Variants in CRTC3 observed in about 807,000 individuals in gnomAD.
CRTC3 encodes the protein CREB regulated transcription coactivator 3, also known as CREB-regulated transcription coactivator 3.
Under a neutral mutation model 74.5 loss-of-function variants are expected in CRTC3, and 26 were observed. The observed-to-expected ratio is 0.35, with a 90% CI of 0.26 to 0.48. The LOEUF is 0.48. Among genes scored for constraint, CRTC3 ranks in the 20% least tolerant of loss-of-function variants. The pLI is 0.99. For synonymous variants in CRTC3, 377 were observed against 325.8 expected (o/e 1.16, Z -1.69); for missense variants, 760 against 787.3 (o/e 0.97, Z 0.41).
chr15:90,636,530 T>C (rs1036951559), intron 11 of CRTC3, among the ~76,000 whole-genome samples: 2 of 151,782 alleles, frequency 1.3e-5, no homozygotes, highest in South Asian at 2.1e-4. Context: ...CCAAAAGCAA[T>C]GGCAACAAAA....
Position 90,629,471 on chromosome 15 carries a change from A to C in CRTC3, c.1205A>C (p.His402Pro), listed in dbSNP as rs1239585675. 1 of 1,614,098 alleles carries C rather than the reference A, an allele frequency of 6.2e-7. No individual in the cohort carries two copies. Among genetic ancestry groups the C allele is most frequent in the South Asian group, 1.1e-5 (1 of 91,074 alleles). ...PLTLSPGPEA[H>P]QGFSRQLSST... ...ACGCTTTCTCCTGGCCCTGAAGCAC[A>C]TCAAGGTTTCAGCAGACAGCTGTCT... is the stretch of plus-strand genomic sequence containing the variant. Residue 402 changes from histidine (H) to proline (P), a missense_variant, in exon 11 of 15, where the codon CAT becomes CCT. Around this residue, in one of 2 missense-constraint regions of CRTC3, gnomAD observed 652 missense variants for 635.2 expected, o/e 1.03. Transcript: ENST00000268184.
chr15:90,602,263 C>A, intron 3 of CRTC3, 61 bp from the exon 4 acceptor site: 1 of 1,013,340 alleles, frequency 9.9e-7, no homozygotes, highest in Non-Finnish European at 1.5e-6. Context: ...TGTGAGTCCA[C>A]CTTGTTAATT....
intron 8 of CRTC3, 93 bp downstream of exon 8, chr15:90,618,061 C>CATTTAACAGAT: frequency 1.3e-6 from 1 of 771,228 alleles, no homozygotes; most frequent in Non-Finnish European, 2.3e-6. Flanking sequence ...GCAAGAGGAA[C>CATTTAACAGAT]TGGGGGAAAA....
chr15:90,642,373 T>G lies in CRTC3; in HGVS notation c.*233T>G. 1.8e-6 allele frequency: 1 copy of G among 556,618 alleles called. No homozygotes were observed. The allele number at this position is 556,618 out of a possible 1,614,324, so 34.5% of individuals were successfully genotyped here. ...CAAAGTCGTGTTGCAGCAGGCAGGCTGCTTGGAGCTTCCCATGAACTGGAA... is the reference window on the plus strand; with the variant it reads ...CAAAGTCGTGTTGCAGCAGGCAGGCGGCTTGGAGCTTCCCATGAACTGGAA... On this transcript the variant is annotated 3_prime_UTR_variant, in exon 15 of 15. Transcript: ENST00000268184.
At position 90,629,535 on chromosome 15, in the gene CRTC3, A is replaced by G. The variant is rs752192713; in HGVS notation, c.1266+3A>G. ...TGGCCCCATATCCTACCTCCCAGGTAAACACACACAGACAGACCAACCACT... is the reference window on the plus strand; with the variant it reads ...TGGCCCCATATCCTACCTCCCAGGTGAACACACACAGACAGACCAACCACT... On this transcript the variant is annotated splice_donor_region_variant and intron_variant, in intron 11 of 14. Transcript: ENST00000268184. The G allele has an allele frequency of 6.2e-7, 1 of 1,613,902 alleles. No individual in the cohort carries two copies. The highest frequency in any genetic ancestry group is 8.5e-7 in the Non-Finnish European group (1 of 1,179,828).
At chr15:90,578,197 A>C (rs1967451444) in intron 2 of CRTC3, among the ~76,000 whole-genome samples, 1 of 152,080 alleles carries the variant, frequency 6.6e-6, no homozygotes, top group South Asian at 2.1e-4. Flanking sequence ...GATTACAGGC[A>C]TGAGCCACCG....
chr15:90,544,229 C>T (rs562338141), intron 2 of CRTC3, among the ~76,000 whole-genome samples: 1 of 152,314 alleles, frequency 6.6e-6, no homozygotes, highest in South Asian at 2.1e-4. Context: ...TACTCTCTGC[C>T]TCTGTCATCA....
At chr15:90,600,858 A>G (rs768454922) in intron 3 of CRTC3, among the ~76,000 whole-genome samples, 2 of 152,220 alleles carry the variant, frequency 1.3e-5, no homozygotes, top group African/African-American at 2.4e-5. Flanking sequence ...CCAGGAGACA[A>G]AAGGAATGGG....
chr15:90,581,958 T>C (rs530619231), intron 2 of CRTC3, among the ~76,000 whole-genome samples: 16 of 152,272 alleles, frequency 1.1e-4, no homozygotes, highest in African/African-American at 3.8e-4. Flanking sequence ...TTTGTCTCCT[T>C]TCCTGCTTGG....
intron 14 of CRTC3, 93 bp downstream of exon 14, chr15:90,641,292 T>C: frequency 1.1e-6 from 1 of 899,318 alleles, no homozygotes; most frequent in Non-Finnish European, 1.8e-6. Flanking sequence ...TAATATTATA[T>C]AAAGCAAAAA....
At position 90,593,631 on chromosome 15, in the gene CRTC3, T is replaced by C. The variant is rs546077920; in HGVS notation, c.232-5T>C. ...AGGCCAACTCTTCTTCCCTTCTCTC[T>C]GCAGCCGTCATTTCACCAAGCTGAT... On this transcript the variant is annotated splice_region_variant and splice_polypyrimidine_tract_variant and intron_variant, in intron 2 of 14. Transcript: ENST00000268184. 7.5e-6 allele frequency: 12 copies of C among 1,602,640 alleles called. No homozygotes were observed. Among genetic ancestry groups the C allele is most frequent in the Admixed American group, 3.3e-5 (2 of 59,830 alleles).
In CRTC3 at chr15:90,529,976, G is replaced by T. The variant is rs1281138543; in HGVS notation, c.-96G>T. The T allele has an allele frequency of 2.0e-6, 2 of 986,432 alleles. No homozygotes were observed. Among genetic ancestry groups the T allele is most frequent in the South Asian group, 3.7e-5 (1 of 27,128 alleles). 61.1% of individuals were successfully genotyped at this position (986,432 alleles called of 1,614,324 possible). Reference sequence around the variant, plus strand: ...CGGGTCGCGCCGGACGACTGGCTTCGGGCGGCGGCCCCGGCGGCCTGTGGA... The same window carrying T: ...CGGGTCGCGCCGGACGACTGGCTTCTGGCGGCGGCCCCGGCGGCCTGTGGA... On this transcript the variant is annotated 5_prime_UTR_variant, in exon 1 of 15. Transcript: ENST00000268184.
At chr15:90,537,809 G>A (rs556962049) in intron 1 of CRTC3, among the ~76,000 whole-genome samples, 1 of 152,170 alleles carries the variant, frequency 6.6e-6, no homozygotes, top group East Asian at 1.9e-4. Flanking sequence ...CAAGTAGCTA[G>A]GATTGCAGGC....
At position 90,635,437 on chromosome 15, in the gene CRTC3, G is replaced by C. The variant is rs1292470249; in HGVS notation, c.1267-3009G>C. Among the ~76,000 whole-genome samples, 4 of 152,252 alleles carry C rather than the reference G, an allele frequency of 2.6e-5. No homozygotes were observed. In the East Asian group the frequency reaches 7.7e-4, roughly 29 times the overall value. Reference sequence around the variant, plus strand: ...AGGCGGGTGGATCACCTGAGGTCAGGAGTTCGAGACCAGCCTGGCCAACAT... The same window carrying C: ...AGGCGGGTGGATCACCTGAGGTCAGCAGTTCGAGACCAGCCTGGCCAACAT... On this transcript the variant is annotated intron_variant, in intron 11 of 14. Transcript: ENST00000268184.
chr15:90,547,620 G>A (rs1966846538), intron 2 of CRTC3, among the ~76,000 whole-genome samples: 2 of 152,150 alleles, frequency 1.3e-5, no homozygotes, highest in African/African-American at 4.8e-5. Flanking sequence ...CATCAGTAAA[G>A]GGGTAGCTAG....
chr15:90,575,561 T>C (rs551622738), intron 2 of CRTC3, among the ~76,000 whole-genome samples: 2 of 152,362 alleles, frequency 1.3e-5, no homozygotes, highest in African/African-American at 4.8e-5. Context: ...CTCAACACTA[T>C]TTATGAATAA....
rs1462250830 is a variant in CRTC3, at chr15:90,638,669, G to C, written c.1467+23G>C. ...CAGGTGAGTTCTGGCAGGAGCGTTG[G>C]TGCAGAGGGAATGCTTGTTTTGCTC... On this transcript the variant is annotated intron_variant, in intron 12 of 14. Transcript: ENST00000268184. 4 of 1,613,206 alleles carry C rather than the reference G, an allele frequency of 2.5e-6. No individual in the cohort carries two copies. In the Admixed American group the frequency reaches 6.7e-5, roughly 27 times the overall value.
chr15:90,586,032 C>T (rs1034722290), intron 2 of CRTC3, among the ~76,000 whole-genome samples: 7 of 152,118 alleles, frequency 4.6e-5, no homozygotes, highest in African/African-American at 1.4e-4. Context: ...CATCACATTC[C>T]GGTGCAGTCC....
intron 13 of CRTC3, among the ~76,000 whole-genome samples, chr15:90,639,442 C>T (rs1969359736): frequency 6.9e-6 from 1 of 145,908 alleles, no homozygotes; most frequent in African/African-American, 2.6e-5. Context: ...GAACAGGTTC[C>T]AGAACTTTTT....
Sources: gnomAD v4.1 joint callset for allele counts (sites outside exome capture counted in the v4.1 genomes callset) on GRCh38, gnomAD v4.1.1 for gene constraint, gnomAD v4.1.1 regional missense constraint, MANE v1.5 for transcripts, NCBI Gene and HGNC (gene_info 2026-07-23, HGNC 2026-07-21) for gene names.